Variants in PSPC1 observed in about 807,000 individuals in gnomAD.
PSPC1 encodes the protein paraspeckle protein 1.
A neutral mutation model predicts 51.6 loss-of-function variants in PSPC1; 14 were observed. That is an observed-to-expected ratio of 0.27 (90% CI 0.18 to 0.42). The LOEUF (loss-of-function observed/expected upper bound fraction) is 0.42. Among genes scored for constraint, PSPC1 ranks in the 10% least tolerant of loss-of-function variants. The pLI is 1.00. For missense variants in PSPC1, 406 were observed against 701.1 expected (o/e 0.58, Z 4.75); for synonymous variants, 193 against 231.9 (o/e 0.83, Z 1.53).
chr13:19,694,026 G>A (rs531492331), intron 6 of PSPC1, among the ~76,000 whole-genome samples: 75 of 150,072 alleles, frequency 5.0e-4, no homozygotes, highest in African/African-American at 1.7e-3. Context: ...GGGAGGCTGA[G>A]GCAGGAGAAT....
chr13:19,690,853 T>C (rs1878458789), intron 6 of PSPC1, among the ~76,000 whole-genome samples: 1 of 152,214 alleles, frequency 6.6e-6, no homozygotes, highest in Non-Finnish European at 1.5e-5. Flanking sequence ...TATTAAGAGC[T>C]GGACTATTTA....
At chr13:19,748,845 C>G (rs535363258) in intron 4 of PSPC1, among the ~76,000 whole-genome samples, 74 of 150,748 alleles carry the variant, frequency 4.9e-4, no homozygotes, top group Admixed American at 9.4e-4. Context: ...GCCCAGGAAA[C>G]GAAATTTCAA....
chr13:19,742,260 C>CAA (rs36104148), intron 4 of PSPC1, among the ~76,000 whole-genome samples: 79,315 of 118,598 alleles, frequency 0.67, 26,731 homozygotes, highest in East Asian at 0.85. Flanking sequence ...GACTCAATCT[C>CAA]AAAAAAAAAA....
At chr13:19,763,296 T>C (rs1179060416) in intron 2 of PSPC1, among the ~76,000 whole-genome samples, 2 of 152,126 alleles carry the variant, frequency 1.3e-5, no homozygotes, top group Non-Finnish European at 2.9e-5. Context: ...GCTGGGATTA[T>C]AGGCATGAGT....
chr13:19,748,946 A>C (rs1235942133), intron 4 of PSPC1, among the ~76,000 whole-genome samples: 1 of 152,000 alleles, frequency 6.6e-6, no homozygotes, highest in African/African-American at 2.4e-5. Context: ...ACGGTGGCTC[A>C]TATCTGTAAT....
At chr13:19,689,486 G>A (rs1028286576) in intron 6 of PSPC1, among the ~76,000 whole-genome samples, 2 of 152,086 alleles carry the variant, frequency 1.3e-5, no homozygotes, top group Non-Finnish European at 2.9e-5. Flanking sequence ...ACTATAATGT[G>A]ATTATTAACC....
intron 2 of PSPC1, among the ~76,000 whole-genome samples, chr13:19,770,414 C>A (rs1424001681): frequency 6.6e-6 from 1 of 152,034 alleles, no homozygotes. Context: ...AATCCCAGCA[C>A]TTTGGGAGGC....
At chr13:19,691,990 G>A (rs7318682) in intron 6 of PSPC1, among the ~76,000 whole-genome samples, 102,098 of 151,980 alleles carry the variant, frequency 0.67, 36,759 homozygotes, top group East Asian at 0.89. Flanking sequence ...AAGCGGGGAG[G>A]GATGGAGGTA....
At chr13:19,673,077 G>A (rs774295540), downstream of PSPC1, 5 of 426,668 alleles carry the variant, frequency 1.2e-5, no homozygotes, top group South Asian at 8.2e-5. Context: ...AAGTTTCTTG[G>A]AACCTATACG....
chr13:19,724,583 G>A (rs570353351), intron 6 of PSPC1, among the ~76,000 whole-genome samples: 6 of 150,364 alleles, frequency 4.0e-5, no homozygotes, highest in South Asian at 4.2e-4. Flanking sequence ...GGCCGGGTAC[G>A]GTGGCTCACA....
At chr13:19,695,839 T>C (rs186769011) in intron 6 of PSPC1, among the ~76,000 whole-genome samples, 19 of 152,160 alleles carry the variant, frequency 1.2e-4, no homozygotes, top group African/African-American at 4.3e-4. Context: ...CTGAAGACAA[T>C]TAGTAATACA....
chr13:19,765,190 G>C (rs1265489567), intron 2 of PSPC1, among the ~76,000 whole-genome samples: 1 of 151,558 alleles, frequency 6.6e-6, no homozygotes, highest in Non-Finnish European at 1.5e-5. Flanking sequence ...TGGGTGTGGT[G>C]GTGCGCACCT....
At chr13:19,768,967 T>C (rs1888343612) in intron 2 of PSPC1, among the ~76,000 whole-genome samples, 1 of 142,554 alleles carries the variant, frequency 7.0e-6, no homozygotes, top group African/African-American at 2.7e-5. Context: ...AAACCCCATC[T>C]CTACTGCAAA....
chr13:19,780,222 G>A (rs1249247706), intron 1 of PSPC1, among the ~76,000 whole-genome samples: 44 of 132,602 alleles, frequency 3.3e-4, no homozygotes, highest in African/African-American at 9.7e-4. Flanking sequence ...CAGCCACCCC[G>A]TCCGGGAGGT....
At chr13:19,709,180 G>T (rs1203086314) in intron 7 of PSPC1, among the ~76,000 whole-genome samples, 71 of 85,830 alleles carry the variant, frequency 8.3e-4, no homozygotes, top group African/African-American at 2.7e-3. Flanking sequence ...AAAAAAAAAA[G>T]CCAAATAGAA....
At chr13:19,682,642 T>A (rs963494260) in intron 6 of PSPC1, among the ~76,000 whole-genome samples, 2 of 152,166 alleles carry the variant, frequency 1.3e-5, no homozygotes, top group Admixed American at 1.3e-4. Context: ...AAAATTAACA[T>A]GACTGACAGT....
At chr13:19,698,499 A>G (rs1879513800), downstream of PSPC1, among the ~76,000 whole-genome samples, 1 of 151,906 alleles carries the variant, frequency 6.6e-6, no homozygotes, top group Non-Finnish European at 1.5e-5. Context: ...AAAATCTAAA[A>G]TGAAATGTGT....
intron 3 of PSPC1, among the ~76,000 whole-genome samples, chr13:19,754,720 G>A (rs1316665479): frequency 1.3e-5 from 2 of 152,166 alleles, no homozygotes; most frequent in African/African-American, 4.8e-5. Flanking sequence ...GATTACAGGC[G>A]TGAGCCACCA....
Position 19,767,600 on chromosome 13 carries a change from A to C in PSPC1, c.674+4642T>G, listed in dbSNP as rs143863374. Among the ~76,000 whole-genome samples, 1,399 of 152,254 alleles carry C rather than the reference A, an allele frequency of 9.2e-3. 26 individuals are homozygous for C. Among genetic ancestry groups the C allele is most frequent in the African/African-American group, 0.032 (1,339 of 41,548 alleles). ...GTAAATATGGTAATTAAGCAAGTACAATTTTGGAACTGACAAACTGGTCAA... is the reference window on the plus strand; with the variant it reads ...GTAAATATGGTAATTAAGCAAGTACCATTTTGGAACTGACAAACTGGTCAA... On this transcript the variant is annotated intron_variant, in intron 2 of 8. Transcript: ENST00000338910.
Sources: gnomAD v4.1 joint callset for allele counts (sites outside exome capture counted in the v4.1 genomes callset) on GRCh38, gnomAD v4.1.1 for gene constraint, MANE v1.5 for transcripts, NCBI Gene and HGNC (gene_info 2026-07-23, HGNC 2026-07-21) for gene names.